TLK2: variants seen among roughly 807,000 people sequenced by gnomAD.
The protein encoded by TLK2 is tousled like kinase 2, also known as serine/threonine-protein kinase tousled-like 2.
TLK2 carries 6 observed loss-of-function variants against 117.3 expected under a neutral mutation model. The observed-to-expected ratio is 0.05, with a 90% CI of 0.03 to 0.10. The LOEUF (loss-of-function observed/expected upper bound fraction) is 0.10, where lower values mean the gene tolerates loss of function less well. Among genes scored for constraint, TLK2 ranks in the 10% least tolerant of loss-of-function variants. TLK2 has a pLI of 1.00. For missense variants in TLK2, 299 were observed against 901.2 expected (o/e 0.33, Z 8.56); for synonymous variants, 257 against 316.7 (o/e 0.81, Z 2.00).
At chr17:62,602,014 C>T (rs1465583111) in intron 18 of TLK2, 28 bp from the exon 19 acceptor site, 2 of 1,600,244 alleles carry the variant, frequency 1.2e-6, no homozygotes, top group African/African-American at 2.7e-5. Flanking sequence ...TAAGTCTCTG[C>T]TTATTCATGA....
At position 62,481,221 on chromosome 17, in the gene TLK2, G is replaced by A. The variant is rs377519248; in HGVS notation, c.81+15G>A. The A allele has an allele frequency of 6.2e-7, 1 of 1,613,196 alleles. No individual in the cohort carries two copies. The highest frequency in any genetic ancestry group is 1.3e-5 in the African/African-American group (1 of 74,902). Reference sequence around the variant, plus strand: ...GTGTTAGTAAGGTGAGTAAAATGATGATCATGAACACTATTCATATTCTAA... The same window carrying A: ...GTGTTAGTAAGGTGAGTAAAATGATAATCATGAACACTATTCATATTCTAA... On this transcript the variant is annotated intron_variant, in intron 2 of 21. Transcript: ENST00000346027.
intron 1 of TLK2, among the ~76,000 whole-genome samples, chr17:62,471,888 C>CTTTTGTTTTTTTTTTTT (rs2070946988): frequency 2.6e-5 from 1 of 37,776 alleles, no homozygotes; most frequent in Non-Finnish European, 4.4e-5. Flanking sequence ...GTAGTATAGT[C>CTTTTGTTTTTTTTTTTT]TTTTTTTTTT....
At position 62,508,784 on chromosome 17, in the gene TLK2, A is replaced by G. The variant is rs1199715873; in HGVS notation, c.82-11989A>G. Among the ~76,000 whole-genome samples the G allele has an allele frequency of 4.6e-5, 7 of 152,328 alleles. No homozygotes were observed. The East Asian group carries it at 9.6e-4, about 21-fold the overall frequency. ...GGAGTTTGAGACCAGCCTGGGCAAC[A>G]TGGTAAAACCCTGTCTTTACTAAAA... On this transcript the variant is annotated intron_variant, in intron 2 of 21. Coordinates refer to ENST00000346027, the MANE Select transcript of TLK2 (RefSeq NM_006852.6).
At position 62,575,203 on chromosome 17, in the gene TLK2, A is replaced by G. The variant is rs184365773; in HGVS notation, c.1122-1506A>G. Among the ~76,000 whole-genome samples, 33 of 152,330 alleles carry G rather than the reference A, an allele frequency of 2.2e-4. 1 individual carries two copies. The highest frequency in any genetic ancestry group is 4.0e-4 in the Non-Finnish European group (27 of 68,028). ...TATCTGGTGTCCTGTGTAAAATCCA[A>G]TCTGGAAGACTTTCAGTCCAGTTTT... On this transcript the variant is annotated intron_variant, in intron 12 of 21. Transcript: ENST00000346027.
chr17:62,484,581 A>G (rs1196972428), intron 2 of TLK2, among the ~76,000 whole-genome samples: 2 of 151,996 alleles, frequency 1.3e-5, no homozygotes, highest in African/African-American at 2.4e-5. Flanking sequence ...TATAGGTGTG[A>G]GCCATCGCGC....
At chr17:62,520,253 T>C (rs2075942045) in intron 2 of TLK2, among the ~76,000 whole-genome samples, 1 of 152,022 alleles carries the variant, frequency 6.6e-6, no homozygotes, top group African/African-American at 2.4e-5. Flanking sequence ...AAAGAGCCCC[T>C]TTTCCACAAG....
At chr17:62,600,149 C>T (rs2082768395) in intron 17 of TLK2, 1 of 152,330 alleles carries the variant, frequency 6.6e-6, no homozygotes, top group South Asian at 2.1e-4. Context: ...TGCCAGCACT[C>T]AGGGTTATAT....
intron 16 of TLK2, among the ~76,000 whole-genome samples, chr17:62,591,965 T>C (rs961821810): frequency 2.0e-5 from 3 of 152,076 alleles, no homozygotes; most frequent in African/African-American, 7.2e-5. Flanking sequence ...TCTTTTTTTT[T>C]TTTTCCGAGA....
chr17:62,472,051 GC>G (rs1165624476), intron 1 of TLK2, among the ~76,000 whole-genome samples: 2 of 150,590 alleles, frequency 1.3e-5, no homozygotes, highest in Non-Finnish European at 3.0e-5. Flanking sequence ...GACTACAGGC[GC>G]CCCCCCACCA....
chr17:62,547,217 T>G (rs1363377437), intron 7 of TLK2, among the ~76,000 whole-genome samples: 1 of 152,202 alleles, frequency 6.6e-6, no homozygotes, highest in Non-Finnish European at 1.5e-5. Flanking sequence ...ATCTTTTAAC[T>G]CTTATGATTA....
chr17:62,485,343 C>G (rs2144503450), intron 2 of TLK2, among the ~76,000 whole-genome samples: 1 of 152,288 alleles, frequency 6.6e-6, no homozygotes, highest in Non-Finnish European at 1.5e-5. Flanking sequence ...TGTTGTAAAT[C>G]TTCTGTTGTA....
chr17:62,593,859 C>T (rs1361104162), intron 16 of TLK2, among the ~76,000 whole-genome samples: 2 of 138,296 alleles, frequency 1.4e-5, no homozygotes, highest in Admixed American at 8.0e-5. Flanking sequence ...GTGGTGTTAT[C>T]TCAGCTTACT....
intron 18 of TLK2, 80 bp from the exon 19 acceptor site, chr17:62,601,962 C>G: frequency 7.7e-7 from 1 of 1,299,212 alleles, no homozygotes; most frequent in Non-Finnish European, 1.1e-6. Flanking sequence ...TCAGTTGTCC[C>G]CTTCTTATCT....
intron 6 of TLK2, among the ~76,000 whole-genome samples, chr17:62,529,265 T>A: frequency 6.6e-6 from 1 of 152,178 alleles, no homozygotes; most frequent in East Asian, 1.9e-4. Context: ...TGAGACAGGT[T>A]CTTGCTCTGT....
At chr17:62,481,250 A>C (rs751665045) in intron 2 of TLK2, 44 bp downstream of exon 2, 4 of 1,605,198 alleles carry the variant, frequency 2.5e-6, no homozygotes, top group Admixed American at 3.4e-5. Context: ...ATTCTAATTT[A>C]AACACATTTT....
At chr17:62,549,517 T>C (rs2078270989) in intron 7 of TLK2, among the ~76,000 whole-genome samples, 1 of 150,980 alleles carries the variant, frequency 6.6e-6, no homozygotes, top group Admixed American at 6.6e-5. Context: ...TACAAATGCT[T>C]GTATCCTAGT....
chr17:62,487,945 C>CT (rs1309154435), intron 2 of TLK2, among the ~76,000 whole-genome samples: 16 of 117,872 alleles, frequency 1.4e-4, no homozygotes, highest in South Asian at 2.7e-4. Context: ...TAAGTTCTCA[C>CT]TTTTTTTTTT....
intron 17 of TLK2, among the ~76,000 whole-genome samples, chr17:62,596,964 C>A (rs2082524365): frequency 6.6e-6 from 1 of 151,938 alleles, no homozygotes; most frequent in Non-Finnish European, 1.5e-5. Flanking sequence ...CCTCCTGTGT[C>A]TAATTTTGAT....
chr17:62,542,485 T>C (rs1430918360), intron 7 of TLK2, among the ~76,000 whole-genome samples: 3 of 152,202 alleles, frequency 2.0e-5, no homozygotes, highest in African/African-American at 7.2e-5. Context: ...ACCCAGTCTT[T>C]CTTTCTTTTT....
Sources: allele counts gnomAD v4.1 joint callset (sites outside exome capture counted in the v4.1 genomes callset), GRCh38; gene constraint gnomAD v4.1.1; transcripts MANE v1.5; gene names NCBI Gene and HGNC (gene_info 2026-07-23, HGNC 2026-07-21).